ADK: variants seen among roughly 807,000 people sequenced by gnomAD.
The protein encoded by ADK is N6,N6-dimethyladenosine kinase.
Under a neutral mutation model 44.7 loss-of-function variants are expected in ADK, and 24 were observed. That is an observed-to-expected ratio of 0.54 (90% CI 0.39 to 0.76). The LOEUF is 0.76. ADK is among the 30% of genes least tolerant of loss of function. The pLI is 0.00. For synonymous variants in ADK, 128 were observed against 142.6 expected, an observed-to-expected ratio of 0.90 and a Z score of 0.73; for missense variants, 321 against 425.1, an observed-to-expected ratio of 0.76 and a Z score of 2.15.
intron 4 of ADK, among the ~76,000 whole-genome samples, chr10:74,338,621 G>A (rs1031473471): frequency 3.9e-5 from 6 of 151,992 alleles, no homozygotes; most frequent in Non-Finnish European, 4.4e-5. Flanking sequence ...AACAGTTTCC[G>A]TAGATCTTAA....
chr10:74,409,781 G>A (rs1355848196), intron 6 of ADK, among the ~76,000 whole-genome samples: 1 of 152,126 alleles, frequency 6.6e-6, no homozygotes, highest in Non-Finnish European at 1.5e-5. Flanking sequence ...TACAGCCTTG[G>A]TGGTAAGCAA....
At chr10:74,414,925 C>G (rs1038666489) in intron 6 of ADK, among the ~76,000 whole-genome samples, 2 of 151,880 alleles carry the variant, frequency 1.3e-5, no homozygotes, top group African/African-American at 4.8e-5. Context: ...TGGCAGCTAC[C>G]AAAAGTAAAA....
intron 6 of ADK, among the ~76,000 whole-genome samples, chr10:74,491,096 C>T (rs1205643708): frequency 6.6e-6 from 1 of 151,810 alleles, no homozygotes; most frequent in Non-Finnish European, 1.5e-5. Context: ...AGCCATTTGT[C>T]GATTAAATAT....
At chr10:74,283,785 A>G (rs924558298) in intron 3 of ADK, among the ~76,000 whole-genome samples, 1 of 147,614 alleles carries the variant, frequency 6.8e-6, no homozygotes, top group Non-Finnish European at 1.5e-5. Context: ...AGTTCACGCC[A>G]TTCTCCTGCC....
chr10:74,327,619 G>GA (rs981772798), intron 4 of ADK, among the ~76,000 whole-genome samples: 4 of 151,918 alleles, frequency 2.6e-5, no homozygotes, highest in Admixed American at 2.6e-4. Flanking sequence ...TAGAGGATCA[G>GA]AAAAAATAAA....
At chr10:74,273,409 G>A (rs80331864) in intron 3 of ADK, among the ~76,000 whole-genome samples, 3,113 of 152,074 alleles carry the variant, frequency 0.02, 47 homozygotes, top group Non-Finnish European at 0.029. Context: ...ATTGCAATTT[G>A]ATTTTTCCCT....
chr10:74,171,072 TG>T (rs1301407591), intron 1 of ADK, among the ~76,000 whole-genome samples: 7 of 152,160 alleles, frequency 4.6e-5, no homozygotes, highest in Non-Finnish European at 1.0e-4. Flanking sequence ...CATTATATCA[TG>T]AGCATTTTCT....
chr10:74,583,492 A>T (rs1056484481), intron 7 of ADK, among the ~76,000 whole-genome samples: 1 of 152,218 alleles, frequency 6.6e-6, no homozygotes, highest in Non-Finnish European at 1.5e-5. Context: ...AGCCATTTAG[A>T]TAGCATATAT....
intron 1 of ADK, among the ~76,000 whole-genome samples, chr10:74,153,589 G>A (rs114004434): frequency 0.014 from 2,112 of 152,304 alleles, 59 homozygotes; most frequent in African/African-American, 0.046. Flanking sequence ...TTAATTGAGT[G>A]CTAGACATTA....
intron 4 of ADK, among the ~76,000 whole-genome samples, chr10:74,367,250 A>C (rs1265443340): frequency 6.6e-6 from 1 of 152,212 alleles, no homozygotes; most frequent in Non-Finnish European, 1.5e-5. Flanking sequence ...CAGCACATTC[A>C]GCAATGGTTT....
intron 3 of ADK, among the ~76,000 whole-genome samples, chr10:74,246,219 T>G (rs564814455): frequency 3.7e-4 from 56 of 152,300 alleles, no homozygotes; most frequent in African/African-American, 1.3e-3. Flanking sequence ...TTCATTCTCA[T>G]TCTCTCATGA....
chr10:74,279,362 G>T (rs1244896844), intron 3 of ADK, among the ~76,000 whole-genome samples: 1 of 152,082 alleles, frequency 6.6e-6, no homozygotes. Context: ...GGCTGAGGTG[G>T]GTGGATCATG....
At chr10:74,378,978 A>T (rs1298090557) in intron 4 of ADK, among the ~76,000 whole-genome samples, 1 of 152,114 alleles carries the variant, frequency 6.6e-6, no homozygotes, top group African/African-American at 2.4e-5. Flanking sequence ...AATCCTGTAG[A>T]GAGTTCAGAG....
chr10:74,469,904 G>C (rs951370759), intron 6 of ADK, among the ~76,000 whole-genome samples: 1 of 151,844 alleles, frequency 6.6e-6, no homozygotes, highest in African/African-American at 2.4e-5. Context: ...TTTTATGGCT[G>C]GCTTATTTCA....
At chr10:74,627,702 G>A (rs534993941) in intron 9 of ADK, among the ~76,000 whole-genome samples, 19 of 151,946 alleles carry the variant, frequency 1.3e-4, no homozygotes, top group Admixed American at 8.5e-4. Flanking sequence ...GCACGATCTC[G>A]GCTCACTGCA....
chr10:74,499,271 C>T (rs1427654926), intron 6 of ADK, among the ~76,000 whole-genome samples: 1 of 152,160 alleles, frequency 6.6e-6, no homozygotes, highest in East Asian at 1.9e-4. Flanking sequence ...AGGAATACCA[C>T]AATAAACAGA....
At chr10:74,440,726 T>C (rs1845376667) in intron 6 of ADK, among the ~76,000 whole-genome samples, 1 of 152,172 alleles carries the variant, frequency 6.6e-6, no homozygotes, top group African/African-American at 2.4e-5. Context: ...CAAATGGCCC[T>C]ACCAATTCAG....
chr10:74,230,989 AT>A (rs571468414), intron 3 of ADK, among the ~76,000 whole-genome samples: 82 of 149,100 alleles, frequency 5.5e-4, no homozygotes, highest in African/African-American at 1.3e-3. Flanking sequence ...GCCGCCAGTA[AT>A]TTTTTTTTTT....
chr10:74,629,542 C>T (rs1034142831), intron 9 of ADK, among the ~76,000 whole-genome samples: 8 of 152,124 alleles, frequency 5.3e-5, no homozygotes, highest in African/African-American at 1.9e-4. Context: ...CTAAATTAAA[C>T]CACTGCTATG....
Sources: gnomAD v4.1 joint callset for allele counts (sites outside exome capture counted in the v4.1 genomes callset) on GRCh38, gnomAD v4.1.1 for gene constraint, MANE v1.5 for transcripts, NCBI Gene and HGNC (gene_info 2026-07-23, HGNC 2026-07-21) for gene names.